The following ZMAT4 variants were observed in gnomAD, a reference collection of about 807,000 sequenced individuals.
ZMAT4 encodes the protein zinc finger matrin-type 4.
In ZMAT4, 17 loss-of-function variants were observed where a neutral mutation model predicts 28.7. That is an observed-to-expected ratio of 0.59 (90% CI 0.41 to 0.89). The LOEUF is 0.89. Among genes scored for constraint, ZMAT4 ranks in the 40% least tolerant of loss-of-function variants. ZMAT4 has a pLI of 0.00. For missense variants in ZMAT4, 240 were observed against 283.8 expected, an observed-to-expected ratio of 0.85 and a Z score of 1.11; for synonymous variants, 117 against 109.2, an observed-to-expected ratio of 1.07 and a Z score of -0.44.
intron 5 of ZMAT4, among the ~76,000 whole-genome samples, chr8:40,635,532 T>C (rs138238668): frequency 6.6e-5 from 10 of 152,310 alleles, no homozygotes; most frequent in African/African-American, 2.4e-4. Context: ...TGTTCCAAGA[T>C]GCCCAACCTC....
At chr8:40,855,888 G>A (rs566730656) in intron 1 of ZMAT4, among the ~76,000 whole-genome samples, 4 of 151,118 alleles carry the variant, frequency 2.6e-5, no homozygotes, top group Admixed American at 6.6e-5. Flanking sequence ...ATGGGGTCTC[G>A]CTATGTTGCC....
rs560838442 is a variant in ZMAT4, at chr8:40,705,497, C to T, written c.193-8096G>A. On this transcript the variant is annotated intron_variant, in intron 3 of 6. Coordinates refer to ENST00000297737, the MANE Select transcript of ZMAT4 (RefSeq NM_024645.3). ...GTACACTCAGTATCTAGAGCAGCATCGTCCAATAGAAATACAGTACAAGCT... is the reference window on the plus strand; with the variant it reads ...GTACACTCAGTATCTAGAGCAGCATTGTCCAATAGAAATACAGTACAAGCT... Among the ~76,000 whole-genome samples, 190 of 152,186 alleles carry T rather than the reference C, an allele frequency of 1.2e-3. 2 individuals carry two copies. The highest frequency in any genetic ancestry group is 4.3e-3 in the African/African-American group (180 of 41,518).
intron 2 of ZMAT4, among the ~76,000 whole-genome samples, chr8:40,809,184 A>G (rs760790001): frequency 1.6e-4 from 25 of 152,252 alleles, no homozygotes; most frequent in Non-Finnish European, 3.7e-4. Flanking sequence ...CCATAATCTT[A>G]AATAAATTAA....
chr8:40,855,754 C>T (rs936238093), intron 1 of ZMAT4, among the ~76,000 whole-genome samples: 1 of 151,900 alleles, frequency 6.6e-6, no homozygotes, highest in Non-Finnish European at 1.5e-5. Context: ...TGGCTCACTG[C>T]AGCCTCAACT....
In ZMAT4 at chr8:40,824,302, G is replaced by A. The variant is rs1490907864; in HGVS notation, c.102+1273C>T. ...TAAAAATAAAAGTAAAAAATTAGCT[G>A]AGTGCAGTGGCATGTGCCTGTAGTC... On this transcript the variant is annotated intron_variant, in intron 2 of 6. Transcript: ENST00000297737. 4.6e-5 allele frequency among the ~76,000 whole-genome samples: 7 copies of A among 152,176 alleles called. 1 individual carries two copies. In the East Asian group the frequency reaches 1.3e-3, roughly 29 times the overall value.
At chr8:40,565,711 C>T (rs368350486) in intron 6 of ZMAT4, among the ~76,000 whole-genome samples, 5 of 151,650 alleles carry the variant, frequency 3.3e-5, no homozygotes, top group African/African-American at 9.7e-5. Flanking sequence ...TGACATCCCT[C>T]CTAGATCCTA....
chr8:40,773,403 A>G (rs1442083966), intron 2 of ZMAT4, among the ~76,000 whole-genome samples: 1 of 152,190 alleles, frequency 6.6e-6, no homozygotes, highest in Non-Finnish European at 1.5e-5. Context: ...GAAGATTCTA[A>G]AAGGCTTTAG....
intron 5 of ZMAT4, among the ~76,000 whole-genome samples, chr8:40,646,514 T>C (rs1807323618): frequency 6.6e-6 from 1 of 152,156 alleles, no homozygotes; most frequent in Non-Finnish European, 1.5e-5. Context: ...TAGTCGATTA[T>C]ATAGTTGACA....
chr8:40,881,559 A>AAAG (rs1563263996), intron 1 of ZMAT4, among the ~76,000 whole-genome samples: 2 of 100,892 alleles, frequency 2.0e-5, no homozygotes, highest in Non-Finnish European at 4.1e-5. Context: ...AGAAAGAAAG[A>AAAG]AAGAAAGAAA....
At chr8:40,611,269 T>C (rs1325911982) in intron 5 of ZMAT4, among the ~76,000 whole-genome samples, 1 of 152,178 alleles carries the variant, frequency 6.6e-6, no homozygotes, top group Non-Finnish European at 1.5e-5. Context: ...TGTGGTCCAT[T>C]TAAACTACAT....
chr8:40,711,019 C>T (rs1365861214), intron 3 of ZMAT4, among the ~76,000 whole-genome samples: 1 of 152,048 alleles, frequency 6.6e-6, no homozygotes, highest in Non-Finnish European at 1.5e-5. Flanking sequence ...CTCTTGACCT[C>T]GTGATCCACC....
chr8:40,762,250 T>C (rs955187720), intron 3 of ZMAT4, among the ~76,000 whole-genome samples: 2 of 152,304 alleles, frequency 1.3e-5, no homozygotes, highest in South Asian at 4.1e-4. Context: ...TATTTGGAAA[T>C]GGGGTCTTGC....
At chr8:40,705,273 T>A (rs557437972) in intron 3 of ZMAT4, among the ~76,000 whole-genome samples, 3 of 152,268 alleles carry the variant, frequency 2.0e-5, no homozygotes, top group African/African-American at 7.2e-5. Context: ...AGAGGACAAC[T>A]ATGTAAGTTA....
chr8:40,565,178 C>G (rs922580972), intron 6 of ZMAT4, among the ~76,000 whole-genome samples: 1 of 152,136 alleles, frequency 6.6e-6, no homozygotes, highest in South Asian at 2.1e-4. Flanking sequence ...TCTTCCCTTA[C>G]TTAATAGCAA....
chr8:40,758,756 A>G (rs1290077998), intron 3 of ZMAT4, among the ~76,000 whole-genome samples: 1 of 152,160 alleles, frequency 6.6e-6, no homozygotes, highest in Non-Finnish European at 1.5e-5. Context: ...TTGGATGGTG[A>G]CAGTGCTCCC....
intron 6 of ZMAT4, among the ~76,000 whole-genome samples, chr8:40,561,318 G>A (rs1028190119): frequency 6.6e-6 from 1 of 152,046 alleles, no homozygotes; most frequent in Admixed American, 6.6e-5. Flanking sequence ...TTACTTGGCA[G>A]CTTTAGAGGG....
At chr8:40,673,161 C>T (rs1243829877) in intron 5 of ZMAT4, among the ~76,000 whole-genome samples, 1 of 152,124 alleles carries the variant, frequency 6.6e-6, no homozygotes, top group Non-Finnish European at 1.5e-5. Flanking sequence ...TTTGCCCATG[C>T]GTATGTGATT....
chr8:40,825,234 A>G (rs977102186), intron 2 of ZMAT4, among the ~76,000 whole-genome samples: 2 of 152,140 alleles, frequency 1.3e-5, no homozygotes, highest in African/African-American at 4.8e-5. Flanking sequence ...AGGAGCTGGC[A>G]CAATGCATTG....
Position 40,651,083 on chromosome 8 carries a change from T to C in ZMAT4, c.577+23621A>G, listed in dbSNP as rs371442965. ...TGTTGGAAGTTCTGGACAGGGCAAT[T>C]AGGCAGGAGAAGGAAATAAAGGGTA... On this transcript the variant is annotated intron_variant, in intron 5 of 6. Coordinates refer to ENST00000297737, the MANE Select transcript of ZMAT4 (RefSeq NM_024645.3). Among the ~76,000 whole-genome samples the C allele has an allele frequency of 1.2e-4, 18 of 152,022 alleles. No homozygotes were observed. The South Asian group carries it at 3.1e-3, about 26-fold the overall frequency.
Sources: gnomAD v4.1 joint callset for allele counts (sites outside exome capture counted in the v4.1 genomes callset) on GRCh38, gnomAD v4.1.1 for gene constraint, MANE v1.5 for transcripts, NCBI Gene and HGNC (gene_info 2026-07-23, HGNC 2026-07-21) for gene names.